Variants in DLC1 observed in about 807,000 individuals in gnomAD.
DLC1 encodes the protein rho GTPase-activating protein 7.
A neutral mutation model predicts 140.3 loss-of-function variants in DLC1; 54 were observed. That is an observed-to-expected ratio of 0.38 (90% CI 0.31 to 0.48). The LOEUF (loss-of-function observed/expected upper bound fraction) is 0.48, where lower values mean the gene tolerates loss of function less well. DLC1 is among the 20% of genes least tolerant of loss of function. The pLI is 0.96. For missense variants in DLC1, 2,536 were observed against 1,907.0 expected, an observed-to-expected ratio of 1.33 and a Z score of -6.14; for synonymous variants, 986 against 728.1, an observed-to-expected ratio of 1.35 and a Z score of -5.70.
intron 4 of DLC1, among the ~76,000 whole-genome samples, chr8:13,368,325 G>T (rs528294199): frequency 8.1e-4 from 123 of 151,896 alleles, no homozygotes; most frequent in Admixed American, 8.1e-3. Context: ...CCCTTCCCCC[G>T]CTTTCCATCC....
intron 1 of DLC1, among the ~76,000 whole-genome samples, chr8:13,573,205 T>A (rs1428977616): frequency 6.6e-6 from 1 of 152,092 alleles, no homozygotes; most frequent in Admixed American, 6.5e-5. Flanking sequence ...TTCGTAAGTG[T>A]TTTATTCTTT....
intron 2 of DLC1, among the ~76,000 whole-genome samples, chr8:13,403,571 G>C (rs1339569506): frequency 3.3e-5 from 5 of 152,172 alleles, no homozygotes; most frequent in South Asian, 2.1e-4. Context: ...CCTCTGTCAA[G>C]ATATAAGCAA....
chr8:13,401,264 C>T (rs1231839975), intron 3 of DLC1, among the ~76,000 whole-genome samples: 1 of 152,110 alleles, frequency 6.6e-6, no homozygotes, highest in Non-Finnish European at 1.5e-5. Context: ...TTTTGTATCA[C>T]CCATTTCTCT....
chr8:13,180,889 G>T (rs564364748), intron 5 of DLC1, among the ~76,000 whole-genome samples: 3 of 152,002 alleles, frequency 2.0e-5, no homozygotes, highest in Non-Finnish European at 4.4e-5. Context: ...GTATATATGA[G>T]AATCAATTTT....
chr8:13,356,650 G>A (rs189944101), intron 4 of DLC1, among the ~76,000 whole-genome samples: 3 of 151,932 alleles, frequency 2.0e-5, no homozygotes, highest in East Asian at 3.9e-4. Flanking sequence ...ATTAAATTAC[G>A]AGCTTCTTGA....
chr8:13,501,966 G>C (rs770077484), intron 1 of DLC1, among the ~76,000 whole-genome samples: 2 of 152,118 alleles, frequency 1.3e-5, no homozygotes, highest in Non-Finnish European at 2.9e-5. Context: ...ATCCAGTGTA[G>C]AAAGAGCCGG....
intron 5 of DLC1, among the ~76,000 whole-genome samples, chr8:13,279,638 A>C (rs901611276): frequency 2.6e-5 from 4 of 152,174 alleles, no homozygotes; most frequent in African/African-American, 9.7e-5. Flanking sequence ...TTAAGTCCAA[A>C]TTTCACTGTG....
chr8:13,566,996 C>T, intron 1 of DLC1: 3 of 1,542,556 alleles, frequency 1.9e-6, no homozygotes, highest in African/African-American at 2.7e-5. Context: ...ATTGTGATGG[C>T]CATCTGCCCA....
intron 2 of DLC1, among the ~76,000 whole-genome samples, chr8:13,488,746 C>G (rs984367815): frequency 2.0e-5 from 3 of 152,176 alleles, no homozygotes; most frequent in Non-Finnish European, 4.4e-5. Flanking sequence ...TAGTTCAAAA[C>G]TTACCGAAGT....
At chr8:13,420,388 C>A (rs1045637113) in intron 2 of DLC1, among the ~76,000 whole-genome samples, 1 of 151,934 alleles carries the variant, frequency 6.6e-6, no homozygotes, top group African/African-American at 2.4e-5. Flanking sequence ...ATGAAATTGC[C>A]AATAACTGAC....
rs1818897730 is a variant in DLC1, at chr8:13,100,031, T to G, written c.2306A>C (p.Asn769Thr). 6.2e-7 allele frequency: 1 copy of G among 1,612,934 alleles called. No individual in the cohort carries two copies. The highest frequency in any genetic ancestry group is 1.3e-5 in the African/African-American group (1 of 74,938). The change falls in exon 9 of 18, where the codon AAC becomes ACC. Residue 769 changes from asparagine to threonine, a missense_variant. Physicochemically the swap from Asn to Thr is moderately conservative, Grantham distance 65. Coordinates refer to ENST00000276297, the MANE Select transcript of DLC1 (RefSeq NM_182643.3). ...CTCTAAGTACATGCCCACCCGCTTG[T>G]TGCACGCACTGAGGCTCCGGGTCCT... The part of the protein sequence containing the change: ...VTRTRSLSAC[N>T]KRVGMYLEGF...
chr8:13,587,077 T>TACACACACAC (rs3066501), intron 1 of DLC1, among the ~76,000 whole-genome samples: 2,214 of 142,872 alleles, frequency 0.015, 58 homozygotes, highest in African/African-American at 0.048. Context: ...GAAAATAGTT[T>TACACACACAC]ACACACACAC....
At chr8:13,545,064 CA>C (rs1803609240) in intron 1 of DLC1, among the ~76,000 whole-genome samples, 1 of 152,034 alleles carries the variant, frequency 6.6e-6, no homozygotes, top group African/African-American at 2.4e-5. Context: ...AGTGCTAGAA[CA>C]TAGGCACATA....
Position 13,098,522 on chromosome 8 carries a change from G to C in DLC1, c.3044C>G (p.Ser1015Cys). 6.2e-7 allele frequency: 1 copy of C among 1,614,184 alleles called. No homozygotes were observed. Among genetic ancestry groups the C allele is most frequent in the Non-Finnish European group, 8.5e-7 (1 of 1,180,000 alleles). Residue 1015 changes from serine to cysteine, a missense_variant, in exon 10 of 18, where the codon TCT becomes TGT. Ser to Cys is a moderately radical substitution (Grantham distance 112). Coordinates refer to ENST00000276297, the MANE Select transcript of DLC1 (RefSeq NM_182643.3). ...FQSSHRPSLN[S>C]VSLQINCQSV... ...CTGGCAGTTAATCTGTAGTGATACA[G>C]AGTTGAGGCTTGGCCGATGTGAGCT...
chr8:13,554,434 C>A (rs897835553), intron 1 of DLC1, among the ~76,000 whole-genome samples: 5 of 152,152 alleles, frequency 3.3e-5, no homozygotes, highest in Non-Finnish European at 7.3e-5. Context: ...GACTTATGTA[C>A]TGAAATACCT....
At chr8:13,116,401 C>G (rs888120456) in intron 5 of DLC1, among the ~76,000 whole-genome samples, 1 of 152,210 alleles carries the variant, frequency 6.6e-6, no homozygotes, top group African/African-American at 2.4e-5. Context: ...CCCGTTAAAA[C>G]TGACTCACAG....
At position 13,087,869 on chromosome 8, in the gene DLC1, T is replaced by C. The variant is rs1817697285; in HGVS notation, c.4292+618A>G. ...TGGGACTCAAATGTTATTTCCTGGC[T>C]TATTCATTCACTAGCTGTTTCTGAC... is the stretch of plus-strand genomic sequence containing the variant. On this transcript the variant is annotated intron_variant, in intron 16 of 17. Transcript: ENST00000276297. Among the ~76,000 whole-genome samples the C allele has an allele frequency of 2.0e-5, 3 of 152,216 alleles. No homozygotes were observed. The South Asian group carries it at 6.2e-4, about 31-fold the overall frequency.
chr8:13,517,287 C>T (rs980378067), upstream of DLC1, among the ~76,000 whole-genome samples: 2 of 152,196 alleles, frequency 1.3e-5, no homozygotes, highest in East Asian at 1.9e-4. Context: ...TACTGTACCC[C>T]GCGCCATATA....
In DLC1 at chr8:13,345,547, C is replaced by CTTTTTTTTTTTTTTTTTTTTT. The variant is rs535092622; in HGVS notation, c.1315-40266_1315-40246dup. Among the ~76,000 whole-genome samples, 92 of 67,510 alleles carry CTTTTTTTTTTTTTTTTTTTTT rather than the reference C, an allele frequency of 1.4e-3. 10 individuals are homozygous for CTTTTTTTTTTTTTTTTTTTTT. Among genetic ancestry groups the CTTTTTTTTTTTTTTTTTTTTT allele is most frequent in the South Asian group, 2.1e-3 (3 of 1,458 alleles). The allele number at this position is 67,510 out of a possible 152,430, so 44.3% of individuals were successfully genotyped here. ...GATTATCTGAAATTTTTCACTCACA[C>CTTTTTTTTTTTTTTTTTTTTT]TTTTTTTTTTTTTTTTTTTTTTTGG... On this transcript the variant is annotated intron_variant, in intron 4 of 17. Transcript: ENST00000276297.
Sources: gnomAD v4.1 joint callset for allele counts (sites outside exome capture counted in the v4.1 genomes callset) on GRCh38, gnomAD v4.1.1 for gene constraint, MANE v1.5 for transcripts, NCBI Gene and HGNC (gene_info 2026-07-23, HGNC 2026-07-21) for gene names.